The following ADGRV1 variants were observed in gnomAD, a reference collection of about 807,000 sequenced individuals.
The protein encoded by ADGRV1 is G-protein coupled receptor 98.
ADGRV1 carries 359 observed loss-of-function variants against 596.2 expected under a neutral mutation model. That is an observed-to-expected ratio of 0.60 (90% CI 0.55 to 0.66). ADGRV1 has a LOEUF of 0.66. Among genes scored for constraint, ADGRV1 ranks in the 30% least tolerant of loss-of-function variants. The pLI, the probability that ADGRV1 is intolerant of heterozygous loss-of-function variation, is 0.00. For missense variants in ADGRV1, 7,274 were observed against 7,575.6 expected (o/e 0.96, Z 1.48); for synonymous variants, 2,681 against 2,679.2 (o/e 1.00, Z -0.02).
intron 9 of ADGRV1, among the ~76,000 whole-genome samples, chr5:90,631,087 G>A (rs1407251875): frequency 6.6e-6 from 1 of 152,176 alleles, no homozygotes; most frequent in African/African-American, 2.4e-5. Flanking sequence ...TACTCATATT[G>A]ATAGTTTGGC....
At chr5:90,910,235 G>C (rs1561927008) in intron 83 of ADGRV1, among the ~76,000 whole-genome samples, 1 of 152,254 alleles carries the variant, frequency 6.6e-6, no homozygotes, top group South Asian at 2.1e-4. Context: ...GCTGATACTT[G>C]TGCTCCTAAT....
At chr5:90,861,309 T>TG (rs1554138992) in intron 82 of ADGRV1, among the ~76,000 whole-genome samples, 9 of 151,940 alleles carry the variant, frequency 5.9e-5, no homozygotes, top group African/African-American at 1.9e-4. Context: ...TATCTATTTT[T>TG]TTTTTGTTTT....
chr5:90,948,472 A>C lies in ADGRV1; in HGVS notation c.17857-16943A>C, dbSNP rs541348713. 3.3e-5 allele frequency among the ~76,000 whole-genome samples: 5 copies of C among 152,234 alleles called. No homozygotes were observed. In the East Asian group the frequency reaches 9.6e-4, roughly 29 times the overall value. ...AAGAAGAACAAACAGTGGATAACAT[A>C]AGTGTTACCAGTAGGAATATCTGCT... On this transcript the variant is annotated intron_variant, in intron 83 of 89. Transcript: ENST00000405460.
chr5:90,651,894 CTT>C (rs1768677380), intron 18 of ADGRV1, among the ~76,000 whole-genome samples, 164 bp downstream of exon 18: 1 of 151,944 alleles, frequency 6.6e-6, no homozygotes, highest in Admixed American at 6.6e-5. Context: ...GCTGTTGCCA[CTT>C]ATCTTCAAAA....
At chr5:90,724,481 G>A (rs1751501805) in intron 45 of ADGRV1, among the ~76,000 whole-genome samples, 3 of 152,008 alleles carry the variant, frequency 2.0e-5, no homozygotes, top group South Asian at 2.1e-4. Flanking sequence ...CACCTACCTC[G>A]GCCTCCCAAA....
chr5:90,777,959 CCCT>C lies in ADGRV1; in HGVS notation c.12586_12588del (p.Pro4196del). ...AGGTCACAGTGTTCTGGAGGATATT[CCCT>C]CCTTCCGTGGGGGAATTTGCTGAAA... On this transcript the variant is annotated inframe_deletion, in exon 62 of 90. Coordinates refer to ENST00000405460, the MANE Select transcript of ADGRV1 (RefSeq NM_032119.4). The C allele has an allele frequency of 1.2e-6, 2 of 1,612,056 alleles. No homozygotes were observed. Among genetic ancestry groups the C allele is most frequent in the Non-Finnish European group, 1.7e-6 (2 of 1,178,952 alleles).
At chr5:91,095,018 C>G (rs1282672840) in intron 86 of ADGRV1, among the ~76,000 whole-genome samples, 1 of 152,080 alleles carries the variant, frequency 6.6e-6, no homozygotes, top group Non-Finnish European at 1.5e-5. Flanking sequence ...GGCCAAAGGA[C>G]CTAGAGTGAG....
intron 84 of ADGRV1, among the ~76,000 whole-genome samples, chr5:90,984,994 G>C (rs1460347780): frequency 6.6e-6 from 1 of 152,152 alleles, no homozygotes; most frequent in Non-Finnish European, 1.5e-5. Context: ...AAGTTAATGT[G>C]GGAAGTAGGT....
At chr5:90,763,228 G>A in intron 58 of ADGRV1, 77 bp from the exon 59 acceptor site, 1 of 1,170,146 alleles carries the variant, frequency 8.5e-7, no homozygotes, top group Non-Finnish European at 1.1e-6. Flanking sequence ...ATTGTAAACA[G>A]AAATAAGATT....
chr5:90,885,401 T>G (rs1423619145), intron 83 of ADGRV1, among the ~76,000 whole-genome samples: 2 of 152,194 alleles, frequency 1.3e-5, no homozygotes, highest in African/African-American at 2.4e-5. Context: ...TAAGGATTGT[T>G]AAATTATCTT....
intron 13 of ADGRV1, 77 bp downstream of exon 13, chr5:90,643,118 G>T: frequency 8.0e-7 from 1 of 1,250,088 alleles, no homozygotes; most frequent in African/African-American, 1.5e-5. Context: ...TAAATATTTT[G>T]AATATTGGCA....
intron 84 of ADGRV1, among the ~76,000 whole-genome samples, chr5:90,983,149 A>G (rs1185910830): frequency 1.3e-5 from 2 of 152,180 alleles, no homozygotes; most frequent in African/African-American, 4.8e-5. Flanking sequence ...ATAATTGGCA[A>G]AAGCTTATGA....
At chr5:91,162,062 A>G (rs1357343513) in intron 89 of ADGRV1, among the ~76,000 whole-genome samples, 1 of 152,220 alleles carries the variant, frequency 6.6e-6, no homozygotes, top group African/African-American at 2.4e-5. Flanking sequence ...GTAACTGGCA[A>G]TAGGAACTAA....
At chr5:90,697,790 G>A (rs1353277700) in intron 34 of ADGRV1, among the ~76,000 whole-genome samples, 1 of 151,752 alleles carries the variant, frequency 6.6e-6, no homozygotes, top group Non-Finnish European at 1.5e-5. Flanking sequence ...TTTTGTCTTC[G>A]AGTAAGCCTG....
chr5:90,969,476 A>G lies in ADGRV1; in HGVS notation c.17973+3945A>G, dbSNP rs79434997. Among the ~76,000 whole-genome samples, 104 of 152,332 alleles carry G rather than the reference A, an allele frequency of 6.8e-4. No individual in the cohort carries two copies. In the East Asian group the frequency reaches 0.019, roughly 28 times the overall value. On this transcript the variant is annotated intron_variant, in intron 84 of 89. Coordinates refer to ENST00000405460, the MANE Select transcript of ADGRV1 (RefSeq NM_032119.4). ...CAAGCTGGAGAACCTTTAACTCCTT[A>G]TTAAAGTAGATGCATGGCTCATAAC...
At chr5:90,976,031 C>T (rs533239098) in intron 84 of ADGRV1, among the ~76,000 whole-genome samples, 5 of 151,702 alleles carry the variant, frequency 3.3e-5, no homozygotes, top group African/African-American at 1.2e-4. Context: ...TAATCGAATA[C>T]TAAATAAAAA....
intron 87 of ADGRV1, among the ~76,000 whole-genome samples, chr5:91,123,763 C>G (rs1793523764): frequency 6.6e-6 from 1 of 152,160 alleles, no homozygotes; most frequent in Non-Finnish European, 1.5e-5. Flanking sequence ...TTTATCTATT[C>G]TGTTGCAGGA....
intron 83 of ADGRV1, among the ~76,000 whole-genome samples, chr5:90,922,462 C>T (rs1386625436): frequency 6.6e-6 from 1 of 152,140 alleles, no homozygotes; most frequent in Non-Finnish European, 1.5e-5. Flanking sequence ...ATACTTTGAA[C>T]ACATTTGCCG....
Position 90,783,169 on chromosome 5 carries a change from A to T in ADGRV1, c.13277A>T (p.His4426Leu). Reference protein sequence around the residue: ...GLIMIPVVRLHGTYGYVTADF... With the variant: ...GLIMIPVVRLLGTYGYVTADF... Reference sequence around the variant, plus strand: ...ATCATGATCCCAGTGGTGAGGCTACATGGAACTTATGGCTATGTGACAGCT... The same window carrying T: ...ATCATGATCCCAGTGGTGAGGCTACTTGGAACTTATGGCTATGTGACAGCT... The change falls in exon 66 of 90, where the codon CAT (histidine) becomes CTT (leucine). Residue 4426 changes from histidine (H) to leucine (L), a missense_variant. Physicochemically the swap from His to Leu is moderately conservative, Grantham distance 99. This residue lies in a region of ADGRV1 where 3,643 missense variants were observed against 3,809.2 expected (regional missense o/e 0.96). Transcript: ENST00000405460. The T allele has an allele frequency of 6.2e-7, 1 of 1,613,680 alleles. No homozygotes were observed. The highest frequency in any genetic ancestry group is 1.1e-5 in the South Asian group (1 of 91,072).
Sources: gnomAD v4.1 joint callset for allele counts (sites outside exome capture counted in the v4.1 genomes callset) on GRCh38, gnomAD v4.1.1 for gene constraint, gnomAD v4.1.1 regional missense constraint, MANE v1.5 for transcripts, NCBI Gene and HGNC (gene_info 2026-07-23, HGNC 2026-07-21) for gene names.